The following DHX57 variants were observed in gnomAD, a reference collection of about 807,000 sequenced individuals.
The protein encoded by DHX57 is DExH-box helicase 57.
Under a neutral mutation model 156.2 loss-of-function variants are expected in DHX57, and 105 were observed. The observed-to-expected ratio is 0.67, with a 90% CI of 0.57 to 0.79. The LOEUF is 0.79. DHX57 is among the 30% of genes least tolerant of loss of function. DHX57 has a pLI of 0.00. For missense variants in DHX57, 1,847 were observed against 1,661.9 expected (o/e 1.11, Z -1.94); for synonymous variants, 704 against 595.6 (o/e 1.18, Z -2.65).
chr2:38,822,148 G>A (rs1014197973), intron 17 of DHX57, among the ~76,000 whole-genome samples: 2 of 151,934 alleles, frequency 1.3e-5, no homozygotes, highest in African/African-American at 4.8e-5. Context: ...GCAATGGCGC[G>A]ACTGGCTCAT....
intron 9 of DHX57, 146 bp from the exon 10 acceptor site, chr2:38,848,548 C>T: frequency 2.5e-6 from 2 of 792,428 alleles, no homozygotes; most frequent in Non-Finnish European, 1.9e-6. Flanking sequence ...ATGTCCTGTT[C>T]TTGGATGTGA....
intron 13 of DHX57, among the ~76,000 whole-genome samples, chr2:38,834,271 C>T (rs1157371827): frequency 2.8e-5 from 4 of 142,248 alleles, no homozygotes; most frequent in Admixed American, 7.6e-5. Context: ...GCGGAGGTTG[C>T]GGTGAGCCGA....
Position 38,860,981 on chromosome 2 carries a change from G to C in DHX57, c.1411+18C>G, listed in dbSNP as rs769528294. 17 of 1,599,864 alleles carry C rather than the reference G, an allele frequency of 1.1e-5. No individual in the cohort carries two copies. Among genetic ancestry groups the C allele is most frequent in the Non-Finnish European group, 1.4e-5 (16 of 1,170,572 alleles). On this transcript the variant is annotated intron_variant, in intron 5 of 23. Transcript: ENST00000457308. Reference sequence around the variant, plus strand: ...TCATTCTGAATGCCTCCCTCCACAAGATCAATGCCTTACATACCTTCTGGA... The same window carrying C: ...TCATTCTGAATGCCTCCCTCCACAACATCAATGCCTTACATACCTTCTGGA...
At chr2:38,825,132 A>G (rs1671025848) in intron 16 of DHX57, among the ~76,000 whole-genome samples, 1 of 152,210 alleles carries the variant, frequency 6.6e-6, no homozygotes, top group Non-Finnish European at 1.5e-5. Context: ...AATTTTATTT[A>G]CTTCACATAC....
At chr2:38,823,541 A>G (rs753155927) in intron 16 of DHX57, among the ~76,000 whole-genome samples, 4 of 152,210 alleles carry the variant, frequency 2.6e-5, no homozygotes, top group Admixed American at 1.3e-4. Flanking sequence ...ACAAAAGATA[A>G]TAAGTGTTGG....
At chr2:38,849,930 T>G (rs1170722156) in intron 9 of DHX57, among the ~76,000 whole-genome samples, 3 of 152,214 alleles carry the variant, frequency 2.0e-5, no homozygotes, top group African/African-American at 7.2e-5. Context: ...TTTTTTCTGC[T>G]TTATTTTTTC....
In DHX57 at chr2:38,855,276, C is replaced by T. The variant is rs1461759248; in HGVS notation, c.1710-24G>A. 4 of 1,612,834 alleles carry T rather than the reference C, an allele frequency of 2.5e-6. No individual in the cohort carries two copies. In the African/African-American group the frequency reaches 5.3e-5, roughly 22 times the overall value. ...ATCTGTACATTAAAACAAATAAGTC[C>T]TAAAATGAAGTTTTCAAGGGCTAGT... On this transcript the variant is annotated intron_variant, in intron 7 of 23. Coordinates refer to ENST00000457308, the MANE Select transcript of DHX57 (RefSeq NM_198963.3).
intron 19 of DHX57, among the ~76,000 whole-genome samples, chr2:38,817,939 C>T (rs1485800296): frequency 6.6e-6 from 1 of 152,104 alleles, no homozygotes; most frequent in Non-Finnish European, 1.5e-5. Context: ...CTCAAGCAAT[C>T]GTCAGCCTCT....
intron 5 of DHX57, 81 bp from the exon 6 acceptor site, chr2:38,858,917 C>T: frequency 2.1e-6 from 3 of 1,396,964 alleles, no homozygotes; most frequent in African/African-American, 1.5e-5. Flanking sequence ...AACAGAGTAT[C>T]AACAACAAAA....
chr2:38,807,652 C>T (rs770870639), intron 21 of DHX57, among the ~76,000 whole-genome samples: 15 of 145,826 alleles, frequency 1.0e-4, no homozygotes, highest in African/African-American at 3.1e-4. Flanking sequence ...CCACTGCGCC[C>T]GGCCTTTTTT....
At chr2:38,837,448 T>TA (rs1486214034) in intron 13 of DHX57, among the ~76,000 whole-genome samples, 1 of 151,028 alleles carries the variant, frequency 6.6e-6, no homozygotes, top group African/African-American at 2.4e-5. Flanking sequence ...CTGTCTCTAC[T>TA]AAAAAATACA....
At chr2:38,810,446 G>T in intron 21 of DHX57, 2 of 532,074 alleles carry the variant, frequency 3.8e-6, no homozygotes, top group South Asian at 2.8e-5. Context: ...ATTTGGCAGT[G>T]ACCTTGCTCT....
At chr2:38,805,858 T>TGTAA (rs1486942384) in intron 22 of DHX57, among the ~76,000 whole-genome samples, 2 of 152,220 alleles carry the variant, frequency 1.3e-5, no homozygotes, top group African/African-American at 4.8e-5. Context: ...TGCGTCTGTG[T>TGTAA]GTAAGTGGCA....
chr2:38,860,385 G>T (rs1487935141), intron 5 of DHX57, among the ~76,000 whole-genome samples: 1 of 152,148 alleles, frequency 6.6e-6, no homozygotes, highest in Non-Finnish European at 1.5e-5. Flanking sequence ...GGAGTCAGAG[G>T]TTGCAGTGAG....
At chr2:38,814,034 T>C (rs762695949) in intron 20 of DHX57, 139 bp from the exon 21 acceptor site, 2 of 798,838 alleles carry the variant, frequency 2.5e-6, no homozygotes, top group Non-Finnish European at 4.0e-6. Flanking sequence ...GCCTCCCAGG[T>C]TCAAGCGATT....
intron 12 of DHX57, among the ~76,000 whole-genome samples, chr2:38,839,468 T>G (rs1671863019): frequency 6.6e-6 from 1 of 151,222 alleles, no homozygotes; most frequent in South Asian, 2.1e-4. Flanking sequence ...TCCCAGCACT[T>G]TGGGAGGCCG....
Position 38,810,952 on chromosome 2 carries a change from G to T in DHX57, c.3681+2869C>A, listed in dbSNP as rs1007985096. The T allele has an allele frequency of 1.3e-5, 11 of 849,224 alleles. No individual in the cohort carries two copies. The African/African-American group carries it at 1.3e-4, about 10-fold the overall frequency. The allele number at this position is 849,224 out of a possible 1,614,324, so 52.6% of individuals were successfully genotyped here. A position where few individuals can be genotyped will look rare whatever the true frequency, so the allele number is the denominator to read the frequency against. ...GAGCACCAAGGAGGTCTGGTGGGTG[G>T]TGCCATCCTTGATGCTGGTCACCTT... On this transcript the variant is annotated intron_variant, in intron 21 of 23. Transcript: ENST00000457308.
At chr2:38,825,636 C>T (rs1011108262) in intron 16 of DHX57, among the ~76,000 whole-genome samples, 2 of 152,010 alleles carry the variant, frequency 1.3e-5, no homozygotes, top group African/African-American at 4.8e-5. Context: ...GTTTTAGGGC[C>T]ATGCTCTGCA....
chr2:38,853,856 G>A (rs1056639376), intron 9 of DHX57, 198 bp downstream of exon 9: 2 of 422,682 alleles, frequency 4.7e-6, no homozygotes, highest in Non-Finnish European at 8.6e-6. Context: ...TCTAATAAGT[G>A]ATGAGCATGT....
Sources: allele counts gnomAD v4.1 joint callset (sites outside exome capture counted in the v4.1 genomes callset), GRCh38; gene constraint gnomAD v4.1.1; transcripts MANE v1.5; gene names NCBI Gene and HGNC (gene_info 2026-07-23, HGNC 2026-07-21).